The following SIAH1 variants were observed in gnomAD, a reference collection of about 807,000 sequenced individuals.
SIAH1 encodes the protein siah E3 ubiquitin protein ligase 1.
Under a neutral mutation model 20.0 loss-of-function variants are expected in SIAH1, and 2 were observed. That is an observed-to-expected ratio of 0.10 (90% CI 0.04 to 0.31). The LOEUF is 0.31. Ranked by LOEUF, SIAH1 falls within the 10% of genes least tolerant of loss-of-function variation. The pLI is 1.00. For missense variants in SIAH1, 119 were observed against 355.3 expected (o/e 0.33, Z 5.35); for synonymous variants, 118 against 125.3 (o/e 0.94, Z 0.39).
intron 1 of SIAH1, among the ~76,000 whole-genome samples, chr16:48,381,775 G>A (rs1597034316): frequency 6.6e-6 from 1 of 152,220 alleles, no homozygotes; most frequent in Non-Finnish European, 1.5e-5. Context: ...GTGGAAGTCA[G>A]AGGATTTCTA....
At position 48,360,723 on chromosome 16, in the gene SIAH1, G is replaced by T. The variant is rs1960549987; in HGVS notation, c.*857C>A. The T allele has an allele frequency of 6.6e-6, 1 of 152,470 alleles. No homozygotes were observed. The allele number at this position is 152,470 out of a possible 1,614,324, so 9.4% of individuals were successfully genotyped here. On this transcript the variant is annotated 3_prime_UTR_variant, in exon 2 of 2. Coordinates refer to ENST00000394725, the MANE Select transcript of SIAH1 (RefSeq NM_003031.4). Reference sequence around the variant, plus strand: ...TGATTTGTCCAAGATATCTGAAAAAGGAAACAAAAGCCTGATTTGCAGTAT... The same window carrying T: ...TGATTTGTCCAAGATATCTGAAAAATGAAACAAAAGCCTGATTTGCAGTAT...
chr16:48,386,198 A>T (rs954769557), upstream of SIAH1, among the ~76,000 whole-genome samples: 2 of 152,206 alleles, frequency 1.3e-5, no homozygotes, highest in African/African-American at 4.8e-5. Context: ...CTGGAATTCC[A>T]TGTAAGATCT....
At chr16:48,369,270 A>T (rs952167265) in intron 1 of SIAH1, among the ~76,000 whole-genome samples, 19 of 152,256 alleles carry the variant, frequency 1.2e-4, no homozygotes, top group Non-Finnish European at 2.8e-4. Context: ...TTGCAGCTAC[A>T]GAAGAAGTTA....
intron 1 of SIAH1, among the ~76,000 whole-genome samples, chr16:48,368,472 G>C (rs28473019): frequency 6.6e-6 from 1 of 152,202 alleles, no homozygotes; most frequent in South Asian, 2.1e-4. Context: ...AAGGCAGGTG[G>C]ATCACCTGAG....
intron 1 of SIAH1, chr16:48,365,444 AG>A: frequency 6.2e-7 from 1 of 1,613,928 alleles, no homozygotes; most frequent in Non-Finnish European, 8.5e-7. Context: ...CCCCTCCAGG[AG>A]TACAGAGAAG....
At chr16:48,384,831 G>A (rs1567379489) in intron 1 of SIAH1, among the ~76,000 whole-genome samples, 2 of 148,082 alleles carry the variant, frequency 1.4e-5, no homozygotes, top group African/African-American at 2.4e-5. Flanking sequence ...CCGGCACGAG[G>A]GCGCGGGGCG....
intron 1 of SIAH1, chr16:48,365,469 T>C: frequency 6.2e-7 from 1 of 1,613,412 alleles, no homozygotes; most frequent in Non-Finnish European, 8.5e-7. Context: ...GAGTAGCCTT[T>C]CCCGTCATGA....
chr16:48,384,780 G>A (rs1229271878), intron 1 of SIAH1, among the ~76,000 whole-genome samples: 1 of 150,996 alleles, frequency 6.6e-6, no homozygotes, highest in African/African-American at 2.4e-5. Context: ...GCTGACCTCC[G>A]CCATGTTGGC....
At chr16:48,380,374 G>A (rs775717782) in intron 1 of SIAH1, among the ~76,000 whole-genome samples, 2 of 151,990 alleles carry the variant, frequency 1.3e-5, no homozygotes, top group Non-Finnish European at 2.9e-5. Context: ...AACTGCTTGA[G>A]CCTGGGAGGC....
chr16:48,361,400 A>G lies in SIAH1; in HGVS notation c.*180T>C, dbSNP rs926861951. The G allele has an allele frequency of 5.2e-6, 3 of 580,910 alleles. No homozygotes were observed. In the African/African-American group the frequency reaches 5.6e-5, roughly 11 times the overall value. 36.0% of individuals were successfully genotyped at this position (580,910 alleles called of 1,614,324 possible). A position where few individuals can be genotyped will look rare whatever the true frequency, so the allele number is the denominator to read the frequency against. ...AGTGGTTTACTGTTGACTTATTTTTAAATATATTAGTGTTACTACATGCAA... is the reference window on the plus strand; with the variant it reads ...AGTGGTTTACTGTTGACTTATTTTTGAATATATTAGTGTTACTACATGCAA... On this transcript the variant is annotated 3_prime_UTR_variant, in exon 2 of 2. Transcript: ENST00000394725.
intron 1 of SIAH1, among the ~76,000 whole-genome samples, chr16:48,373,892 T>A (rs1019749802): frequency 2.6e-5 from 4 of 152,214 alleles, no homozygotes; most frequent in Non-Finnish European, 4.4e-5. Flanking sequence ...CTGACTTCCT[T>A]GTTCAATGGC....
intron 1 of SIAH1, among the ~76,000 whole-genome samples, chr16:48,371,796 T>G (rs1960992216): frequency 6.6e-6 from 1 of 152,254 alleles, no homozygotes; most frequent in Admixed American, 6.5e-5. Flanking sequence ...GTTATCTGAA[T>G]ACAGCCATTT....
chr16:48,382,112 C>T (rs1249824959), intron 1 of SIAH1, among the ~76,000 whole-genome samples: 1 of 152,206 alleles, frequency 6.6e-6, no homozygotes, highest in Non-Finnish European at 1.5e-5. Flanking sequence ...CACAGCAGCT[C>T]ACACCTGTAA....
intron 1 of SIAH1, chr16:48,363,400 G>T (rs1029221408): frequency 1.8e-5 from 3 of 167,072 alleles, no homozygotes; most frequent in Non-Finnish European, 2.9e-5. Context: ...AGAGTGAGGG[G>T]ATGTACTCGC....
intron 1 of SIAH1, among the ~76,000 whole-genome samples, chr16:48,371,021 T>C (rs1960972015): frequency 6.9e-6 from 1 of 145,818 alleles, no homozygotes; most frequent in Non-Finnish European, 1.5e-5. Flanking sequence ...AGCTGAGGCA[T>C]AAGAATCGCT....
At chr16:48,384,584 T>G (rs1215117648) in intron 1 of SIAH1, among the ~76,000 whole-genome samples, 1 of 152,052 alleles carries the variant, frequency 6.6e-6, no homozygotes, top group African/African-American at 2.4e-5. Context: ...TTCTTCCCAC[T>G]GCACAATGAA....
intron 1 of SIAH1, among the ~76,000 whole-genome samples, chr16:48,375,879 G>T (rs1009264853): frequency 2.0e-5 from 3 of 152,198 alleles, no homozygotes; most frequent in Admixed American, 1.3e-4. Flanking sequence ...ATCAGACAAA[G>T]GGAGAGCAAG....
intron 1 of SIAH1, among the ~76,000 whole-genome samples, chr16:48,368,529 C>A (rs1269390809): frequency 6.6e-6 from 1 of 152,168 alleles, no homozygotes; most frequent in African/African-American, 2.4e-5. Context: ...TACTTTGTCT[C>A]TACTAAGTAA....
chr16:48,378,359 A>T (rs1961167279), intron 1 of SIAH1, among the ~76,000 whole-genome samples: 1 of 151,896 alleles, frequency 6.6e-6, no homozygotes. Context: ...GTCACAAAAC[A>T]ACAACAACAA....
Sources: allele counts gnomAD v4.1 joint callset (sites outside exome capture counted in the v4.1 genomes callset), GRCh38; gene constraint gnomAD v4.1.1; transcripts MANE v1.5; gene names NCBI Gene and HGNC (gene_info 2026-07-23, HGNC 2026-07-21).